Variants in ITGA8 observed in about 807,000 individuals in gnomAD.
ITGA8 encodes the protein integrin subunit alpha 8.
In ITGA8, 91 loss-of-function variants were observed where a neutral mutation model predicts 142.3. That is an observed-to-expected ratio of 0.64 (90% CI 0.54 to 0.76). The LOEUF (loss-of-function observed/expected upper bound fraction) is 0.76, where lower values mean the gene tolerates loss of function less well. Among genes scored for constraint, ITGA8 ranks in the 30% least tolerant of loss-of-function variants. The pLI is 0.00. For synonymous variants in ITGA8, 505 were observed against 485.2 expected (o/e 1.04, Z -0.54); for missense variants, 1,406 against 1,327.7 (o/e 1.06, Z -0.92).
intron 11 of ITGA8, among the ~76,000 whole-genome samples, chr10:15,654,028 G>A (rs2131663776): frequency 6.6e-6 from 1 of 152,042 alleles, no homozygotes. Context: ...TAGAGACATG[G>A]TTTCACCACA....
chr10:15,533,755 A>G (rs1564339681), intron 27 of ITGA8, among the ~76,000 whole-genome samples: 2 of 152,244 alleles, frequency 1.3e-5, no homozygotes, highest in African/African-American at 2.4e-5. Context: ...TAAATGCGAA[A>G]GTTTCCTAAT....
intron 10 of ITGA8, among the ~76,000 whole-genome samples, chr10:15,657,316 A>T (rs1424983370): frequency 6.6e-6 from 1 of 152,168 alleles, no homozygotes; most frequent in Non-Finnish European, 1.5e-5. Flanking sequence ...AGTTGTTTCA[A>T]ACAGTTCAAT....
chr10:15,665,913 A>T (rs1834382752), intron 8 of ITGA8, among the ~76,000 whole-genome samples: 1 of 152,172 alleles, frequency 6.6e-6, no homozygotes, highest in Non-Finnish European at 1.5e-5. Context: ...TGTTTTGGTT[A>T]CTGTAGCCTT....
In ITGA8 at chr10:15,588,396, G is replaced by A. The variant is rs552831529; in HGVS notation, c.2292-1732C>T. On this transcript the variant is annotated intron_variant, in intron 22 of 29. Coordinates refer to ENST00000378076, the MANE Select transcript of ITGA8 (RefSeq NM_003638.3). ...GAGCTTAAGGGACTTGTTCACCAGAGGCTGAACCCCAGTTTCCAGGCCATT... is the reference window on the plus strand; with the variant it reads ...GAGCTTAAGGGACTTGTTCACCAGAAGCTGAACCCCAGTTTCCAGGCCATT... 6.6e-5 allele frequency among the ~76,000 whole-genome samples: 10 copies of A among 152,288 alleles called. No individual in the cohort carries two copies. In the East Asian group the frequency reaches 1.7e-3, roughly 27 times the overall value.
Position 15,702,978 on chromosome 10 carries a change from A to G in ITGA8, c.344-14940T>C, listed in dbSNP as rs141195629. 4.5e-3 allele frequency among the ~76,000 whole-genome samples: 684 copies of G among 152,302 alleles called. 10 individuals are homozygous for G. The highest frequency in any genetic ancestry group is 0.015 in the African/African-American group (640 of 41,576). On this transcript the variant is annotated intron_variant, in intron 2 of 29. Coordinates refer to ENST00000378076, the MANE Select transcript of ITGA8 (RefSeq NM_003638.3). ...CATTCAGAATTTAAGAAGCTTGTAGACTATTCCTCTAGTTCATAGTGAAAT... is the reference window on the plus strand; with the variant it reads ...CATTCAGAATTTAAGAAGCTTGTAGGCTATTCCTCTAGTTCATAGTGAAAT...
At chr10:15,529,601 A>G (rs928931869) in intron 28 of ITGA8, among the ~76,000 whole-genome samples, 7 of 152,206 alleles carry the variant, frequency 4.6e-5, no homozygotes, top group African/African-American at 1.7e-4. Flanking sequence ...GACCTACTGA[A>G]TATTTGGGGA....
chr10:15,552,984 C>T (rs774722907), intron 26 of ITGA8, among the ~76,000 whole-genome samples: 2 of 152,140 alleles, frequency 1.3e-5, no homozygotes, highest in East Asian at 1.9e-4. Flanking sequence ...AGGCTGGGTG[C>T]GGTGGCTCAC....
intron 28 of ITGA8, among the ~76,000 whole-genome samples, chr10:15,526,180 TC>T (rs948042501): frequency 2.1e-5 from 3 of 145,842 alleles, no homozygotes; most frequent in African/African-American, 7.4e-5. Flanking sequence ...ATTATAAGAT[TC>T]TTTTTTTTTT....
chr10:15,677,786 C>A (rs1834659933), intron 5 of ITGA8, 149 bp from the exon 6 acceptor site: 1 of 590,446 alleles, frequency 1.7e-6, no homozygotes, highest in Non-Finnish European at 2.9e-6. Context: ...CGGAGGCCTG[C>A]AGTTCATTTT....
chr10:15,542,740 T>C (rs771657530), intron 27 of ITGA8, among the ~76,000 whole-genome samples: 1 of 152,316 alleles, frequency 6.6e-6, no homozygotes, highest in South Asian at 2.1e-4. Flanking sequence ...GGGAAGGCCA[T>C]ATAATATCTA....
chr10:15,717,807 C>T (rs1337707370), intron 2 of ITGA8, among the ~76,000 whole-genome samples: 1 of 152,184 alleles, frequency 6.6e-6, no homozygotes, highest in African/African-American at 2.4e-5. Context: ...AAGTAAACAT[C>T]ATCCAGCCAA....
At chr10:15,708,834 A>G (rs1378715746) in intron 2 of ITGA8, among the ~76,000 whole-genome samples, 1 of 152,158 alleles carries the variant, frequency 6.6e-6, no homozygotes, top group African/African-American at 2.4e-5. Context: ...CCCTTTTCCA[A>G]TTAGGGTGAT....
At chr10:15,583,788 C>A (rs945983889) in intron 23 of ITGA8, among the ~76,000 whole-genome samples, 15 of 152,062 alleles carry the variant, frequency 9.9e-5, no homozygotes, top group African/African-American at 3.1e-4. Flanking sequence ...CTTTTGATGT[C>A]ATAACTTCTT....
At chr10:15,526,301 C>T (rs955491050) in intron 28 of ITGA8, among the ~76,000 whole-genome samples, 7 of 152,034 alleles carry the variant, frequency 4.6e-5, no homozygotes, top group African/African-American at 1.2e-4. Context: ...CTCAGCCTCC[C>T]GAGTAGCTGG....
intron 8 of ITGA8, among the ~76,000 whole-genome samples, chr10:15,667,708 G>T (rs1321000627): frequency 2.0e-5 from 3 of 151,732 alleles, no homozygotes; most frequent in Non-Finnish European, 2.9e-5. Flanking sequence ...CAGAGATTCT[G>T]GTATGTTGTG....
chr10:15,685,265 A>T (rs1322571044), intron 3 of ITGA8, among the ~76,000 whole-genome samples: 1 of 152,208 alleles, frequency 6.6e-6, no homozygotes, highest in African/African-American at 2.4e-5. Flanking sequence ...GAGTTATCCA[A>T]ATTATTTCAT....
At chr10:15,646,619 T>A (rs1285137210) in intron 12 of ITGA8, among the ~76,000 whole-genome samples, 1 of 152,214 alleles carries the variant, frequency 6.6e-6, no homozygotes, top group African/African-American at 2.4e-5. Flanking sequence ...CTTGTGAGAT[T>A]TGAAATAAAA....
intron 8 of ITGA8, among the ~76,000 whole-genome samples, chr10:15,670,200 A>G (rs1450794500): frequency 6.6e-6 from 1 of 152,244 alleles, no homozygotes; most frequent in Non-Finnish European, 1.5e-5. Flanking sequence ...CAGTGTTCAT[A>G]TGAAACAAGA....
chr10:15,697,585 G>T (rs1835081026), intron 2 of ITGA8, among the ~76,000 whole-genome samples: 1 of 152,174 alleles, frequency 6.6e-6, no homozygotes, highest in African/African-American at 2.4e-5. Flanking sequence ...TATAATCTTT[G>T]TCACAGCTAC....
Sources: gnomAD v4.1 joint callset for allele counts (sites outside exome capture counted in the v4.1 genomes callset) on GRCh38, gnomAD v4.1.1 for gene constraint, MANE v1.5 for transcripts, NCBI Gene and HGNC (gene_info 2026-07-23, HGNC 2026-07-21) for gene names.